The following HIPK2 variants were observed in gnomAD, a reference collection of about 807,000 sequenced individuals.
The protein encoded by HIPK2 is homeodomain interacting protein kinase 2.
Under a neutral mutation model 113.7 loss-of-function variants are expected in HIPK2, and 27 were observed. The observed-to-expected ratio is 0.24, with a 90% CI of 0.17 to 0.33. HIPK2 has a LOEUF of 0.33. Among genes scored for constraint, HIPK2 ranks in the 10% least tolerant of loss-of-function variants. The pLI is 1.00. For synonymous variants in HIPK2, 631 were observed against 642.2 expected, an observed-to-expected ratio of 0.98 and a Z score of 0.26; for missense variants, 1,257 against 1,588.0, an observed-to-expected ratio of 0.79 and a Z score of 3.54.
At position 139,744,974 on chromosome 7, in the gene HIPK2, A is replaced by G. The variant is rs142509836; in HGVS notation, c.20-27959T>C. Among the ~76,000 whole-genome samples the G allele has an allele frequency of 7.2e-5, 11 of 152,376 alleles. No homozygotes were observed. In the East Asian group the frequency reaches 1.3e-3, roughly 19 times the overall value. Reference sequence around the variant, plus strand: ...CCAAATCCCTTCATTTCACAGATGAATAAGTAGAGTTTCAAGGCACTGTAC... The same window carrying G: ...CCAAATCCCTTCATTTCACAGATGAGTAAGTAGAGTTTCAAGGCACTGTAC... On this transcript the variant is annotated intron_variant, in intron 1 of 14. Coordinates refer to ENST00000406875, the MANE Select transcript of HIPK2 (RefSeq NM_022740.5).
At chr7:139,663,304 G>C (rs1474703256) in intron 2 of HIPK2, among the ~76,000 whole-genome samples, 1 of 152,170 alleles carries the variant, frequency 6.6e-6, no homozygotes, top group Non-Finnish European at 1.5e-5. Context: ...GGCTGGACTG[G>C]AGATCACCTA....
chr7:139,721,940 T>C, intron 1 of HIPK2: 1 of 305,900 alleles, frequency 3.3e-6, no homozygotes, highest in Non-Finnish European at 6.8e-6. Flanking sequence ...ATGGCCACAT[T>C]TTCATTCACT....
chr7:139,776,668 G>A (rs995426495), intron 1 of HIPK2, among the ~76,000 whole-genome samples: 1 of 152,148 alleles, frequency 6.6e-6, no homozygotes, highest in African/African-American at 2.4e-5. Flanking sequence ...GATTTCATGA[G>A]ACAAACATTT....
At chr7:139,573,540 GA>G (rs999338837) in intron 14 of HIPK2, 143 bp from the exon 15 acceptor site, 53 of 789,348 alleles carry the variant, frequency 6.7e-5, no homozygotes, top group Admixed American at 1.1e-4. Flanking sequence ...TGTGTGTTGA[GA>G]AAGTAAAAAT....
intron 12 of HIPK2, among the ~76,000 whole-genome samples, chr7:139,590,150 T>C (rs1798967879): frequency 6.6e-6 from 1 of 152,218 alleles, no homozygotes; most frequent in Non-Finnish European, 1.5e-5. Flanking sequence ...CGTCTAGTTA[T>C]TATTGACAGC....
At chr7:139,744,790 G>A (rs368645431) in intron 1 of HIPK2, among the ~76,000 whole-genome samples, 1 of 152,188 alleles carries the variant, frequency 6.6e-6, no homozygotes, top group Non-Finnish European at 1.5e-5. Flanking sequence ...GACTCCGGAG[G>A]CCACGTTCTG....
At chr7:139,728,362 C>T (rs1795652317) in intron 1 of HIPK2, among the ~76,000 whole-genome samples, 1 of 152,234 alleles carries the variant, frequency 6.6e-6, no homozygotes. Flanking sequence ...CAGACGCTGT[C>T]TCACAGTTCA....
chr7:139,743,337 G>C (rs1349075619), intron 1 of HIPK2, among the ~76,000 whole-genome samples: 1 of 152,176 alleles, frequency 6.6e-6, no homozygotes, highest in Non-Finnish European at 1.5e-5. Flanking sequence ...CCAGGTCAAA[G>C]GTTTCCTAGA....
At chr7:139,748,553 G>A (rs1796228829) in intron 1 of HIPK2, among the ~76,000 whole-genome samples, 1 of 151,890 alleles carries the variant, frequency 6.6e-6, no homozygotes, top group South Asian at 2.1e-4. Flanking sequence ...TGGCTTCTAT[G>A]CCTATTAACC....
At chr7:139,732,275 T>G (rs1795812189) in intron 1 of HIPK2, among the ~76,000 whole-genome samples, 1 of 152,220 alleles carries the variant, frequency 6.6e-6, no homozygotes, top group African/African-American at 2.4e-5. Context: ...TTCTAAGCTG[T>G]GCAAATTAAA....
intron 2 of HIPK2, among the ~76,000 whole-genome samples, chr7:139,696,537 T>G: frequency 6.7e-6 from 1 of 150,166 alleles, no homozygotes; most frequent in African/African-American, 2.5e-5. Flanking sequence ...GAGCTGCGAG[T>G]GCACCACTAT....
intron 1 of HIPK2, among the ~76,000 whole-genome samples, chr7:139,766,275 G>T (rs1433976371): frequency 6.6e-6 from 1 of 152,238 alleles, no homozygotes; most frequent in Non-Finnish European, 1.5e-5. Context: ...ACTGGCAATA[G>T]CAAGTGTGCG....
chr7:139,718,412 C>T (rs1165755067), intron 1 of HIPK2, among the ~76,000 whole-genome samples: 2 of 152,212 alleles, frequency 1.3e-5, no homozygotes, highest in African/African-American at 4.8e-5. Context: ...TCCACCTTCT[C>T]TCTCAGTAGA....
intron 2 of HIPK2, among the ~76,000 whole-genome samples, chr7:139,663,128 C>T (rs1303361150): frequency 6.6e-6 from 1 of 152,300 alleles, no homozygotes; most frequent in East Asian, 1.9e-4. Flanking sequence ...GGAACTCTCC[C>T]TGCATCCTGC....
At chr7:139,701,400 G>A (rs1196776959) in intron 2 of HIPK2, among the ~76,000 whole-genome samples, 4 of 152,216 alleles carry the variant, frequency 2.6e-5, no homozygotes, top group African/African-American at 9.6e-5. Context: ...GGCTAGACAT[G>A]AGGCTTAAAA....
At chr7:139,652,806 A>C (rs572429460) in intron 2 of HIPK2, among the ~76,000 whole-genome samples, 20 of 152,284 alleles carry the variant, frequency 1.3e-4, no homozygotes, top group Admixed American at 7.8e-4. Context: ...ACTGCAGGTA[A>C]GAAAACATCA....
intron 12 of HIPK2, among the ~76,000 whole-genome samples, chr7:139,584,551 C>T (rs1798775769): frequency 6.6e-6 from 1 of 152,218 alleles, no homozygotes; most frequent in Non-Finnish European, 1.5e-5. Context: ...CCTGGCAAAG[C>T]TTATGCAGGA....
chr7:139,750,572 T>C (rs1585453636), intron 1 of HIPK2, among the ~76,000 whole-genome samples: 1 of 152,156 alleles, frequency 6.6e-6, no homozygotes, highest in East Asian at 1.9e-4. Context: ...TTCTGCTGAG[T>C]GTTTTGGGTC....
chr7:139,614,404 C>A lies in HIPK2; in HGVS notation c.1872G>T (p.Ala624=). 1 of 1,572,184 alleles carries A rather than the reference C, an allele frequency of 6.4e-7. No individual in the cohort carries two copies. The highest frequency in any genetic ancestry group is 8.7e-7 in the Non-Finnish European group (1 of 1,154,560). The change falls in exon 8 of 15, where the codon GCG becomes GCT. Residue 624 remains alanine (A), a synonymous_variant. Coordinates refer to ENST00000406875, the MANE Select transcript of HIPK2 (RefSeq NM_022740.5). ...GCTGGGCCACTGCAGCCATGGATGC[C>A]GCTGAGGGCTGGTAGAGTGTAGATG... ...NYPSTLYQPS[A]ASMAAVAQRS...
Sources: gnomAD v4.1 joint callset for allele counts (sites outside exome capture counted in the v4.1 genomes callset) on GRCh38, gnomAD v4.1.1 for gene constraint, MANE v1.5 for transcripts, NCBI Gene and HGNC (gene_info 2026-07-23, HGNC 2026-07-21) for gene names.